Variants in GPHN observed in about 807,000 individuals in gnomAD.
The protein encoded by GPHN is gephyrin.
Under a neutral mutation model 95.5 loss-of-function variants are expected in GPHN, and 17 were observed. That is an observed-to-expected ratio of 0.18 (90% CI 0.12 to 0.27). GPHN has a LOEUF of 0.27. Ranked by LOEUF, GPHN falls within the 10% of genes least tolerant of loss-of-function variation. GPHN has a pLI of 1.00. For missense variants in GPHN, 660 were observed against 978.1 expected, an observed-to-expected ratio of 0.67 and a Z score of 4.34; for synonymous variants, 320 against 322.5, an observed-to-expected ratio of 0.99 and a Z score of 0.08.
At chr14:67,558,379 A>G in the GPHN span, among the ~76,000 whole-genome samples, 1 of 152,186 alleles carries the variant, frequency 6.6e-6, no homozygotes, top group African/African-American at 2.4e-5. Context: ...CATTAACCCA[A>G]TAGGCCCTTA....
At chr14:67,300,922 G>T in the GPHN span, among the ~76,000 whole-genome samples, 1 of 151,680 alleles carries the variant, frequency 6.6e-6, no homozygotes, top group Non-Finnish European at 1.5e-5. Context: ...AAACTCCTGG[G>T]CTTAAGCAAT....
chr14:67,475,093 T>G, the GPHN span, among the ~76,000 whole-genome samples: 1 of 152,032 alleles, frequency 6.6e-6, no homozygotes, highest in Non-Finnish European at 1.5e-5. Flanking sequence ...TTTTTGAATT[T>G]TAGTAGAGAC....
intron 5 of GPHN, among the ~76,000 whole-genome samples, chr14:66,882,320 C>CTA (rs1442501689): frequency 5.9e-5 from 9 of 151,700 alleles, no homozygotes; most frequent in African/African-American, 2.2e-4. Flanking sequence ...TACCATAGTT[C>CTA]TATAGCATGT....
At chr14:66,549,656 A>G (rs571888217) in intron 1 of GPHN, among the ~76,000 whole-genome samples, 1 of 152,350 alleles carries the variant, frequency 6.6e-6, no homozygotes, top group South Asian at 2.1e-4. Flanking sequence ...GATTTTCAAT[A>G]TAGATGAAGC....
the GPHN span, chr14:67,382,366 G>T: frequency 7.6e-7 from 1 of 1,324,056 alleles, no homozygotes; most frequent in Non-Finnish European, 1.0e-6. Flanking sequence ...TAATACAGCA[G>T]ATTAATAAAA....
chr14:67,486,174 T>C, the GPHN span, among the ~76,000 whole-genome samples: 9 of 152,218 alleles, frequency 5.9e-5, no homozygotes, highest in Non-Finnish European at 1.2e-4. Flanking sequence ...ATTTCCACCA[T>C]GTTGTGGGAG....
At chr14:67,152,094 G>C (rs1366791879) in intron 18 of GPHN, among the ~76,000 whole-genome samples, 1 of 152,038 alleles carries the variant, frequency 6.6e-6, no homozygotes, top group East Asian at 1.9e-4. Flanking sequence ...TCTTGATTTT[G>C]TCTCCTTTCT....
At chr14:67,499,783 G>A in the GPHN span, among the ~76,000 whole-genome samples, 1 of 152,094 alleles carries the variant, frequency 6.6e-6, no homozygotes, top group Non-Finnish European at 1.5e-5. Context: ...TTTAATGGTG[G>A]GGGAAAGGCA....
chr14:66,792,632 G>A (rs1406753518), intron 3 of GPHN, among the ~76,000 whole-genome samples: 1 of 152,172 alleles, frequency 6.6e-6, no homozygotes, highest in Non-Finnish European at 1.5e-5. Context: ...AAAAGCAGTT[G>A]ACCAGAGATA....
chr14:67,586,606 G>A, the GPHN span: 1 of 439,410 alleles, frequency 2.3e-6, no homozygotes, highest in Admixed American at 3.4e-5. Context: ...TACAGGAAGT[G>A]TTGACCAGCA....
intron 2 of GPHN, among the ~76,000 whole-genome samples, chr14:66,752,193 A>T (rs1349344459): frequency 2.0e-5 from 3 of 152,034 alleles, no homozygotes; most frequent in African/African-American, 7.2e-5. Flanking sequence ...TTCTATCAAG[A>T]CCACTCAGAC....
At chr14:67,546,878 A>T in the GPHN span, among the ~76,000 whole-genome samples, 56 of 151,966 alleles carry the variant, frequency 3.7e-4, no homozygotes, top group African/African-American at 1.0e-3. Context: ...ATATATATAT[A>T]TTTTTTCTCT....
At chr14:67,402,968 C>T in the GPHN span, among the ~76,000 whole-genome samples, 1 of 152,164 alleles carries the variant, frequency 6.6e-6, no homozygotes, top group Admixed American at 6.5e-5. Context: ...CATGGTAGCT[C>T]TATTTATATT....
chr14:67,020,416 G>T (rs1313710975), intron 9 of GPHN, among the ~76,000 whole-genome samples: 1 of 152,006 alleles, frequency 6.6e-6, no homozygotes, highest in African/African-American at 2.4e-5. Context: ...TCTAAAGATT[G>T]TTGTTGTTTG....
At chr14:66,634,590 G>C (rs1287208399) in intron 1 of GPHN, among the ~76,000 whole-genome samples, 1 of 152,054 alleles carries the variant, frequency 6.6e-6, no homozygotes, top group Non-Finnish European at 1.5e-5. Flanking sequence ...GGCCCTTCCT[G>C]ATTGGCCCTC....
the GPHN span, among the ~76,000 whole-genome samples, chr14:67,641,481 C>T: frequency 6.6e-6 from 1 of 152,192 alleles, no homozygotes; most frequent in East Asian, 1.9e-4. Flanking sequence ...GTTTCCTCAT[C>T]CACCAAATAG....
the GPHN span, chr14:67,333,050 T>C: frequency 9.0e-7 from 1 of 1,109,208 alleles, no homozygotes; most frequent in Non-Finnish European, 1.3e-6. Context: ...GAGGATAAGA[T>C]GGAAGGCAGC....
the GPHN span, among the ~76,000 whole-genome samples, chr14:67,238,412 G>A: frequency 2.0e-5 from 3 of 151,874 alleles, no homozygotes; most frequent in Non-Finnish European, 4.4e-5. Flanking sequence ...AGGACTACAG[G>A]AGCGTGCCAC....
chr14:66,921,024 G>A lies in GPHN; in HGVS notation c.457-1642G>A, dbSNP rs574875622. ...TGATGGGCATTTGGGTTGGTTCCAC[G>A]ATTTTGCAATTATGAATTATGCTGC... On this transcript the variant is annotated intron_variant, in intron 6 of 22. Transcript: ENST00000478722. Among the ~76,000 whole-genome samples the A allele has an allele frequency of 3.9e-3, 590 of 152,196 alleles. 5 individuals are homozygous for A. Among genetic ancestry groups the A allele is most frequent in the African/African-American group, 0.014 (566 of 41,522 alleles).
Sources: gnomAD v4.1 joint callset for allele counts (sites outside exome capture counted in the v4.1 genomes callset) on GRCh38, gnomAD v4.1.1 for gene constraint, MANE v1.5 for transcripts, NCBI Gene and HGNC (gene_info 2026-07-23, HGNC 2026-07-21) for gene names.